LRMDA: variants seen among roughly 807,000 people sequenced by gnomAD.
LRMDA encodes the protein leucine rich melanocyte differentiation associated.
In LRMDA, 18 loss-of-function variants were observed where a neutral mutation model predicts 29.8. That is an observed-to-expected ratio of 0.60 (90% confidence interval 0.42 to 0.90). The LOEUF (loss-of-function observed/expected upper bound fraction) is 0.90, where lower values mean the gene tolerates loss of function less well. Among genes scored for constraint, LRMDA ranks in the 40% least tolerant of loss-of-function variants. The pLI is 0.00. For synonymous variants in LRMDA, 125 were observed against 109.4 expected, an observed-to-expected ratio of 1.14 and a Z score of -0.89; for missense variants, 273 against 273.9, an observed-to-expected ratio of 1.00 and a Z score of 0.02.
chr10:75,854,532 C>T (rs1047880527), intron 2 of LRMDA, among the ~76,000 whole-genome samples: 3 of 151,964 alleles, frequency 2.0e-5, no homozygotes, highest in African/African-American at 7.3e-5. Context: ...ATAATCAAGG[C>T]TTTGGAAAAA....
At chr10:75,641,871 A>AC (rs1344731177) in intron 2 of LRMDA, among the ~76,000 whole-genome samples, 8 of 152,096 alleles carry the variant, frequency 5.3e-5, no homozygotes, top group Admixed American at 4.6e-4. Flanking sequence ...ACATAGCAAG[A>AC]CCCCTACCTC....
At chr10:75,751,027 T>C (rs887172237) in intron 2 of LRMDA, among the ~76,000 whole-genome samples, 3 of 152,186 alleles carry the variant, frequency 2.0e-5, no homozygotes, top group African/African-American at 4.8e-5. Context: ...CTGGGCAACA[T>C]TGAGCACTGA....
intron 6 of LRMDA, among the ~76,000 whole-genome samples, chr10:76,379,888 A>G (rs1841568784): frequency 6.6e-6 from 1 of 152,152 alleles, no homozygotes; most frequent in South Asian, 2.1e-4. Flanking sequence ...GCTGTATTCT[A>G]GAGGTTTTGG....
intron 2 of LRMDA, among the ~76,000 whole-genome samples, chr10:75,646,553 T>C (rs1294114626): frequency 1.3e-5 from 2 of 152,250 alleles, no homozygotes; most frequent in Admixed American, 6.5e-5. Flanking sequence ...ATATTAGTTA[T>C]GCTGTCTTTT....
chr10:75,523,425 G>GC (rs1347990405), intron 2 of LRMDA, among the ~76,000 whole-genome samples: 1 of 152,166 alleles, frequency 6.6e-6, no homozygotes, highest in Non-Finnish European at 1.5e-5. Context: ...CAGTTCTGCT[G>GC]CCCGGGGGCC....
intron 5 of LRMDA, among the ~76,000 whole-genome samples, chr10:76,071,606 A>T (rs1248197809): frequency 6.6e-6 from 1 of 152,184 alleles, no homozygotes; most frequent in Non-Finnish European, 1.5e-5. Context: ...ATAAAGAATA[A>T]AAAGCTTTTC....
intron 6 of LRMDA, among the ~76,000 whole-genome samples, chr10:76,376,383 A>G (rs1246468637): frequency 2.6e-5 from 4 of 152,110 alleles, no homozygotes; most frequent in Non-Finnish European, 5.9e-5. Context: ...ATGCCTCTCT[A>G]TCTACCTATC....
intron 2 of LRMDA, among the ~76,000 whole-genome samples, chr10:75,754,708 T>G (rs1843009325): frequency 6.6e-6 from 1 of 152,174 alleles, no homozygotes; most frequent in African/African-American, 2.4e-5. Flanking sequence ...TAGCTGTTCT[T>G]TCTTTGATTT....
intron 2 of LRMDA, among the ~76,000 whole-genome samples, chr10:75,534,538 G>A (rs983360774): frequency 5.9e-5 from 9 of 152,194 alleles, no homozygotes; most frequent in Non-Finnish European, 1.2e-4. Flanking sequence ...AATGGAAGAT[G>A]ACAATAGTTT....
intron 5 of LRMDA, among the ~76,000 whole-genome samples, chr10:76,113,725 G>A (rs1412668324): frequency 6.6e-6 from 1 of 152,096 alleles, no homozygotes; most frequent in African/African-American, 2.4e-5. Flanking sequence ...TTGATGCCGC[G>A]TTTCTCTCCC....
intron 6 of LRMDA, among the ~76,000 whole-genome samples, chr10:76,334,806 A>G (rs1224343629): frequency 1.3e-5 from 2 of 152,104 alleles, no homozygotes; most frequent in Non-Finnish European, 2.9e-5. Context: ...TCACTCAACC[A>G]TGGTTTTCAT....
In LRMDA at chr10:75,884,924, T is replaced by TCAGGAGGCCTGGGGAGAACTCCAGTC. The variant is rs548483883; in HGVS notation, c.132-151074_132-151049dup. On this transcript the variant is annotated intron_variant, in intron 2 of 6. Coordinates refer to ENST00000611255, the MANE Select transcript of LRMDA (RefSeq NM_001305581.2). The stretch of plus-strand genomic sequence containing the variant: ...TAGGAGGTCCGGGGAGGATAGCAGT[T>TCAGGAGGCCTGGGGAGAACTCCAGTC]CAGGAGGCCTGGGGAGAACTCCAGT... Among the ~76,000 whole-genome samples the TCAGGAGGCCTGGGGAGAACTCCAGTC allele has an allele frequency of 9.2e-4, 139 of 151,852 alleles. 2 individuals carry two copies. In the South Asian group the frequency reaches 0.024, roughly 26 times the overall value.
intron 2 of LRMDA, among the ~76,000 whole-genome samples, chr10:75,449,882 A>G (rs1389446139): frequency 1.3e-5 from 2 of 152,126 alleles, no homozygotes; most frequent in Non-Finnish European, 2.9e-5. Flanking sequence ...GGACAACTGC[A>G]TGCTTGAATT....
rs1848234278 is a variant in LRMDA, at chr10:76,035,906, A to G, written c.132-102A>G. 5 of 1,458,476 alleles carry G rather than the reference A, an allele frequency of 3.4e-6. No individual in the cohort carries two copies. In the South Asian group the frequency reaches 5.6e-5, roughly 16 times the overall value. 90.3% of individuals were successfully genotyped at this position (1,458,476 alleles called of 1,614,324 possible). A position where few individuals can be genotyped will look rare whatever the true frequency, so the allele number is the denominator to read the frequency against. ...TGCTGACAGGCACCAAGCCCAAACT[A>G]TTCCCAGTCCTGAAAGGGAAGGTTA... On this transcript the variant is annotated intron_variant, in intron 2 of 6. Transcript: ENST00000611255.
intron 2 of LRMDA, among the ~76,000 whole-genome samples, chr10:75,790,573 A>AG (rs1295358512): frequency 2.6e-5 from 4 of 152,204 alleles, no homozygotes; most frequent in African/African-American, 7.2e-5. Context: ...ATAAACGTAA[A>AG]GTATCACAAG....
chr10:75,626,365 G>C (rs923086089), intron 2 of LRMDA, among the ~76,000 whole-genome samples: 1 of 152,092 alleles, frequency 6.6e-6, no homozygotes, highest in Non-Finnish European at 1.5e-5. Context: ...GTGGTTTTTT[G>C]TGCTGGTCAG....
chr10:75,877,200 C>G (rs1052367737), intron 2 of LRMDA, among the ~76,000 whole-genome samples: 1 of 152,226 alleles, frequency 6.6e-6, no homozygotes, highest in Non-Finnish European at 1.5e-5. Flanking sequence ...ATTGGTGGAA[C>G]CCATTCTCTG....
At chr10:75,606,155 G>C (rs780089833) in intron 2 of LRMDA, among the ~76,000 whole-genome samples, 3 of 151,906 alleles carry the variant, frequency 2.0e-5, no homozygotes, top group African/African-American at 7.3e-5. Context: ...ACTGCGCCTG[G>C]CCAACCCTGT....
chr10:75,566,970 T>C (rs1019584200), intron 2 of LRMDA, among the ~76,000 whole-genome samples: 2 of 152,220 alleles, frequency 1.3e-5, no homozygotes, highest in Admixed American at 1.3e-4. Flanking sequence ...TTCCCTTGCT[T>C]CCTTCCCTAC....
Sources: allele counts gnomAD v4.1 joint callset (sites outside exome capture counted in the v4.1 genomes callset), GRCh38; gene constraint gnomAD v4.1.1; transcripts MANE v1.5; gene names NCBI Gene and HGNC (gene_info 2026-07-23, HGNC 2026-07-21).